Variants in SCAI observed in about 807,000 individuals in gnomAD.
The protein encoded by SCAI is suppressor of cancer cell invasion, also known as protein SCAI.
In SCAI, 24 loss-of-function variants were observed where a neutral mutation model predicts 92.2. The observed-to-expected ratio is 0.26, with a 90% CI of 0.19 to 0.37. SCAI has a LOEUF of 0.37. SCAI is among the 10% of genes least tolerant of loss of function. The probability of loss-of-function intolerance (pLI) is 1.00; values close to 1 mark genes in which losing one functional copy is unlikely to be tolerated. For synonymous variants in SCAI, 261 were observed against 258.6 expected, an observed-to-expected ratio of 1.01 and a Z score of -0.09; for missense variants, 450 against 736.2, an observed-to-expected ratio of 0.61 and a Z score of 4.50.
chr9:125,047,986 G>C (rs1471944304), intron 3 of SCAI, among the ~76,000 whole-genome samples: 1 of 149,188 alleles, frequency 6.7e-6, no homozygotes, highest in Non-Finnish European at 1.5e-5. Context: ...CTTTTCTTTT[G>C]TTTTTTTTTG....
rs1290615137 is a variant in SCAI at position 125,062,221 on chromosome 9, G to A, written c.99-6214C>T. Among the ~76,000 whole-genome samples, 8 of 151,600 alleles carry A rather than the reference G, an allele frequency of 5.3e-5. No homozygotes were observed. The South Asian group carries it at 8.4e-4, about 16-fold the overall frequency. On this transcript the variant is annotated intron_variant, in intron 2 of 17. Transcript: ENST00000336505. ...GCTCACTGCAACCTCTGCTTCCCAG[G>A]CTCAAGCCATCCTCCTATCTCAACC...
intron 14 of SCAI, among the ~76,000 whole-genome samples, chr9:124,984,318 C>T (rs1264913738): frequency 6.6e-6 from 1 of 152,000 alleles, no homozygotes; most frequent in African/African-American, 2.4e-5. Context: ...TATATGTAAG[C>T]AGAAAAAATA....
At chr9:125,108,078 C>T (rs1419132518) in intron 2 of SCAI, among the ~76,000 whole-genome samples, 1 of 152,176 alleles carries the variant, frequency 6.6e-6, no homozygotes, top group Non-Finnish European at 1.5e-5. Context: ...GAGTGATCTG[C>T]CAGCCTGGGC....
At chr9:124,965,054 C>T (rs569790395) in intron 17 of SCAI, among the ~76,000 whole-genome samples, 104 of 149,488 alleles carry the variant, frequency 7.0e-4, no homozygotes, top group Admixed American at 4.5e-3. Context: ...TCTGCTGCCT[C>T]TTGGTTGGCA....
At chr9:125,016,219 C>CA (rs1314287489) in intron 9 of SCAI, among the ~76,000 whole-genome samples, 1,443 of 143,050 alleles carry the variant, frequency 0.01, 22 homozygotes, top group East Asian at 0.089. Context: ...ATAATAAATA[C>CA]AAAAAAAAAA....
At chr9:125,103,332 T>C (rs1310571458) in intron 2 of SCAI, among the ~76,000 whole-genome samples, 1 of 152,204 alleles carries the variant, frequency 6.6e-6, no homozygotes, top group Non-Finnish European at 1.5e-5. Context: ...CTCCTCTAAA[T>C]GACTTCCAGG....
At chr9:124,975,237 C>A in intron 15 of SCAI, 1 of 416,324 alleles carries the variant, frequency 2.4e-6, no homozygotes, top group African/African-American at 2.1e-5. Context: ...TGTTAAACAG[C>A]AGAACTTACC....
intron 2 of SCAI, among the ~76,000 whole-genome samples, chr9:125,106,144 T>TATATATATATATATATATATAC (rs1564415402): frequency 1.8e-5 from 2 of 108,662 alleles, no homozygotes; most frequent in African/African-American, 3.4e-5. Flanking sequence ...TATATATATA[T>TATATATATATATATATATATAC]ATATATATAT....
chr9:125,029,614 C>T (rs979933848), intron 4 of SCAI, 30 bp downstream of exon 4: 5 of 1,409,320 alleles, frequency 3.5e-6, no homozygotes, highest in Non-Finnish European at 5.0e-6. Context: ...AACAGGCCTT[C>T]ACTCTCCTTT....
chr9:125,051,350 G>C (rs1057003312), intron 3 of SCAI, among the ~76,000 whole-genome samples: 1 of 152,028 alleles, frequency 6.6e-6, no homozygotes, highest in Non-Finnish European at 1.5e-5. Context: ...ATTGAAGAGG[G>C]TCACTCAATA....
chr9:125,110,457 C>T (rs1039801152), intron 2 of SCAI, among the ~76,000 whole-genome samples: 3 of 152,144 alleles, frequency 2.0e-5, no homozygotes, highest in Non-Finnish European at 2.9e-5. Flanking sequence ...CCAGCCTGGA[C>T]GACTGATATG....
Position 125,026,837 on chromosome 9 carries a change from A to C in SCAI, c.487T>G (p.Tyr163Asp), listed in dbSNP as rs777452314. 1 of 1,593,440 alleles carries C rather than the reference A, an allele frequency of 6.3e-7. No homozygotes were observed. The highest frequency in any genetic ancestry group is 8.6e-7 in the Non-Finnish European group (1 of 1,162,374). Residue 163 changes from tyrosine (Y) to aspartate (D), a missense_variant, in exon 6 of 18, where the codon TAT becomes GAT. Physicochemically the swap from Tyr to Asp is radical, Grantham distance 160. Transcript: ENST00000336505. ...FYSAIRQRSY[Y>D]SQVNKEDRPE... ...CTGTCCTCTTTATTGACTTGAGAAT[A>C]ATATGATCTCTGTCTGATTGCAGAA...
Position 125,132,408 on chromosome 9 carries a change from A to G in SCAI, c.98+10225T>C, listed in dbSNP as rs528448917. The stretch of plus-strand genomic sequence containing the variant: ...ATTACAGGTGTGAGCCACTGCATCC[A>G]GCCATTGGATTACAGGTGTGATCCA... On this transcript the variant is annotated intron_variant, in intron 2 of 17. Transcript: ENST00000336505. 2.0e-5 allele frequency among the ~76,000 whole-genome samples: 3 copies of G among 152,170 alleles called. No individual in the cohort carries two copies. In the South Asian group the frequency reaches 6.2e-4, roughly 32 times the overall value.
chr9:125,026,649 T>A (rs1380101100), intron 6 of SCAI, among the ~76,000 whole-genome samples, 163 bp downstream of exon 6: 1 of 152,206 alleles, frequency 6.6e-6, no homozygotes, highest in Non-Finnish European at 1.5e-5. Context: ...TTAGGTAACA[T>A]AAACTTCTCT....
chr9:124,983,917 A>T (rs1423234609), intron 14 of SCAI, among the ~76,000 whole-genome samples: 2 of 152,222 alleles, frequency 1.3e-5, no homozygotes, highest in African/African-American at 4.8e-5. Context: ...CAATAAAAGC[A>T]ACACACTGTG....
In SCAI at chr9:125,048,712, GCA is replaced by G. The variant is rs1833496389; in HGVS notation, c.230+7162_230+7163del. 6.8e-5 allele frequency among the ~76,000 whole-genome samples: 3 copies of G among 44,210 alleles called. No individual in the cohort carries two copies. In the South Asian group the frequency reaches 3.5e-3, roughly 52 times the overall value. 29.0% of individuals were successfully genotyped at this position (44,210 alleles called of 152,430 possible). On this transcript the variant is annotated intron_variant, in intron 3 of 17. Coordinates refer to ENST00000336505, the MANE Select transcript of SCAI (RefSeq NM_001144877.3). ...AACTTTCTTAAGTTGAATACTGGGA[GCA>G]TATTTATTTATTTATTTATTTATTT...
intron 2 of SCAI, among the ~76,000 whole-genome samples, chr9:125,136,585 T>C (rs899567346): frequency 6.8e-5 from 10 of 148,128 alleles, no homozygotes; most frequent in Admixed American, 6.9e-5. Context: ...CCCAGCCTCC[T>C]GAGTAGCTAG....
intron 12 of SCAI, among the ~76,000 whole-genome samples, chr9:125,001,569 C>A (rs1832362197): frequency 6.6e-6 from 1 of 152,198 alleles, no homozygotes; most frequent in South Asian, 2.1e-4. Context: ...TAGCCATTGA[C>A]CGGATTCCCC....
chr9:125,086,560 T>C (rs1317135678), intron 2 of SCAI, among the ~76,000 whole-genome samples: 1 of 152,218 alleles, frequency 6.6e-6, no homozygotes, highest in East Asian at 1.9e-4. Context: ...ATGTAGAATC[T>C]ATAAGGATTT....
Sources: gnomAD v4.1 joint callset for allele counts (sites outside exome capture counted in the v4.1 genomes callset) on GRCh38, gnomAD v4.1.1 for gene constraint, MANE v1.5 for transcripts, NCBI Gene and HGNC (gene_info 2026-07-23, HGNC 2026-07-21) for gene names.